ITSN2: variants seen among roughly 807,000 people sequenced by gnomAD.
ITSN2 encodes the protein intersectin 2.
A neutral mutation model predicts 243.7 loss-of-function variants in ITSN2; 156 were observed. The ratio of observed to expected loss-of-function variants is 0.64; its 90% CI spans 0.56 to 0.73. The LOEUF (loss-of-function observed/expected upper bound fraction) is 0.73, where lower values mean the gene tolerates loss of function less well. Among genes scored for constraint, ITSN2 ranks in the 30% least tolerant of loss-of-function variants. ITSN2 has a pLI of 0.00. For synonymous variants in ITSN2, 703 were observed against 699.9 expected, an observed-to-expected ratio of 1.00 and a Z score of -0.07; for missense variants, 1,801 against 1,996.1, an observed-to-expected ratio of 0.90 and a Z score of 1.86.
At chr2:24,217,010 G>A (rs1436197425) in intron 31 of ITSN2, among the ~76,000 whole-genome samples, 6 of 152,142 alleles carry the variant, frequency 3.9e-5, no homozygotes, top group African/African-American at 1.2e-4. Flanking sequence ...CGTGAACCCG[G>A]GAGGCGGAGC....
chr2:24,289,914 C>A (rs1044827666), intron 15 of ITSN2, among the ~76,000 whole-genome samples: 1 of 152,162 alleles, frequency 6.6e-6, no homozygotes, highest in Non-Finnish European at 1.5e-5. Flanking sequence ...GATGAAAAGT[C>A]TTCAGTTTAC....
chr2:24,291,806 A>C (rs1242131428), intron 15 of ITSN2, among the ~76,000 whole-genome samples: 2 of 152,182 alleles, frequency 1.3e-5, no homozygotes, highest in Non-Finnish European at 2.9e-5. Context: ...TGCTTTATTC[A>C]TAACAATGTA....
chr2:24,251,918 T>C (rs1674382060), intron 25 of ITSN2, among the ~76,000 whole-genome samples: 1 of 152,206 alleles, frequency 6.6e-6, no homozygotes. Context: ...AGAGAACTTC[T>C]GCACTATACC....
At chr2:24,334,772 T>G in intron 1 of ITSN2, 4 of 1,510,536 alleles carry the variant, frequency 2.6e-6, no homozygotes, top group Non-Finnish European at 3.6e-6. Flanking sequence ...TATTAAAAGA[T>G]GCAAGCATTG....
At position 24,284,861 on chromosome 2, in the gene ITSN2, TA is replaced by T; in HGVS notation, c.1864-19del. On this transcript the variant is annotated intron_variant, in intron 16 of 39. Transcript: ENST00000355123. ...TTCCCACACTGTAAGATAAGGCAGA[TA>T]AAAAGCCAATTAAACTACGTACAGA... 3.1e-6 allele frequency: 4 copies of T among 1,270,112 alleles called. No homozygotes were observed. Among genetic ancestry groups the T allele is most frequent in the Non-Finnish European group, 4.5e-6 (4 of 894,316 alleles). 78.7% of individuals were successfully genotyped at this position (1,270,112 alleles called of 1,614,324 possible).
rs1673503562 is a variant in ITSN2, at chr2:24,247,273, CTG to C, written c.3289-382_3289-381del. On this transcript the variant is annotated intron_variant, in intron 27 of 39. Transcript: ENST00000355123. ...CAAGGCTTTGCTGACTGGCAATACT[CTG>C]TGTGTATTGTCACACATCATTGCCA... Among the ~76,000 whole-genome samples, 5 of 152,346 alleles carry C rather than the reference CTG, an allele frequency of 3.3e-5. No homozygotes were observed. In the South Asian group the frequency reaches 1.0e-3, roughly 32 times the overall value.
At chr2:24,289,215 T>G (rs1375221985) in intron 15 of ITSN2, among the ~76,000 whole-genome samples, 2 of 152,232 alleles carry the variant, frequency 1.3e-5, no homozygotes, top group Non-Finnish European at 2.9e-5. Flanking sequence ...GTACAGATAA[T>G]TTTTAAAATA....
Position 24,310,698 on chromosome 2 carries a change from G to C in ITSN2, c.353-6C>G. The C allele has an allele frequency of 1.2e-6, 2 of 1,612,144 alleles. No individual in the cohort carries two copies. The highest frequency in any genetic ancestry group is 1.7e-6 in the Non-Finnish European group (2 of 1,178,638). ...ATTGGGCATGCTTCCCATTCCTAAAGTCAAAAGAAAACATTTTTTCCAGTG... is the reference window on the plus strand; with the variant it reads ...ATTGGGCATGCTTCCCATTCCTAAACTCAAAAGAAAACATTTTTTCCAGTG... On this transcript the variant is annotated splice_polypyrimidine_tract_variant and splice_region_variant and intron_variant, in intron 5 of 39. Coordinates refer to ENST00000355123, the MANE Select transcript of ITSN2 (RefSeq NM_006277.3).
chr2:24,301,015 C>T (rs981726186), intron 11 of ITSN2, 139 bp downstream of exon 11: 45 of 496,902 alleles, frequency 9.1e-5, no homozygotes, highest in Non-Finnish European at 1.5e-4. Context: ...TACCAAAATA[C>T]ATCCCATCTA....
intron 36 of ITSN2, among the ~76,000 whole-genome samples, chr2:24,208,637 C>G (rs961943312): frequency 5.3e-5 from 8 of 152,180 alleles, no homozygotes; most frequent in Non-Finnish European, 1.0e-4. Context: ...CAGCACCCCC[C>G]GGGTTGGCGC....
At chr2:24,291,612 C>A (rs1680267278) in intron 15 of ITSN2, among the ~76,000 whole-genome samples, 1 of 151,702 alleles carries the variant, frequency 6.6e-6, no homozygotes, top group African/African-American at 2.4e-5. Context: ...GCCTCAGCCT[C>A]CTGAGTAGCT....
chr2:24,206,471 C>CT (rs1185529885), intron 37 of ITSN2, among the ~76,000 whole-genome samples: 1 of 150,736 alleles, frequency 6.6e-6, no homozygotes, highest in African/African-American at 2.4e-5. Context: ...ACAGGCTGGC[C>CT]TGGCACAGCT....
At chr2:24,251,737 A>G (rs151053364) in intron 25 of ITSN2, among the ~76,000 whole-genome samples, 5 of 151,108 alleles carry the variant, frequency 3.3e-5, no homozygotes, top group Non-Finnish European at 5.9e-5. Context: ...CACGTTATTT[A>G]TGTTACCATG....
chr2:24,203,550 C>T lies in ITSN2; in HGVS notation c.*76G>A, dbSNP rs1668529946. Reference sequence around the variant, plus strand: ...GTGAAGCTGCATGGTGCTCCCTCAGCCCCAAGAGAGCGCAGTCTCTCATTC... The same window carrying T: ...GTGAAGCTGCATGGTGCTCCCTCAGTCCCAAGAGAGCGCAGTCTCTCATTC... On this transcript the variant is annotated 3_prime_UTR_variant, in exon 40 of 40. Coordinates refer to ENST00000355123, the MANE Select transcript of ITSN2 (RefSeq NM_006277.3). The T allele has an allele frequency of 6.9e-7, 1 of 1,449,840 alleles. No homozygotes were observed. The highest frequency in any genetic ancestry group is 9.3e-7 in the Non-Finnish European group (1 of 1,072,056). 89.8% of individuals were successfully genotyped at this position (1,449,840 alleles called of 1,614,324 possible). A position where few individuals can be genotyped will look rare whatever the true frequency, so the allele number is the denominator to read the frequency against.
chr2:24,241,463 C>G (rs758685718), intron 29 of ITSN2: 1 of 152,524 alleles, frequency 6.6e-6, no homozygotes, highest in Non-Finnish European at 1.5e-5. Flanking sequence ...TAGGACAGTG[C>G]TCATTCTTGG....
At chr2:24,318,554 G>A (rs959356075) in intron 2 of ITSN2, among the ~76,000 whole-genome samples, 1 of 152,148 alleles carries the variant, frequency 6.6e-6, no homozygotes, top group African/African-American at 2.4e-5. Flanking sequence ...GTAAGATAGT[G>A]TGGTCACTGA....
intron 15 of ITSN2, among the ~76,000 whole-genome samples, chr2:24,287,864 G>C (rs1451797214): frequency 6.6e-6 from 1 of 151,964 alleles, no homozygotes. Flanking sequence ...TGTCCACTCA[G>C]GTCCTTTGCC....
intron 1 of ITSN2, among the ~76,000 whole-genome samples, chr2:24,349,219 AAT>A (rs766966201): frequency 2.0e-5 from 3 of 152,234 alleles, no homozygotes; most frequent in Non-Finnish European, 4.4e-5. Context: ...GAAAAAATAA[AAT>A]AGAGATATTG....
intron 17 of ITSN2, 152 bp from the exon 18 acceptor site, chr2:24,276,001 A>T: frequency 1.9e-6 from 1 of 521,232 alleles, no homozygotes; most frequent in South Asian, 4.0e-5. Flanking sequence ...TCTAGATGAT[A>T]AAAAAAACCT....
Sources: gnomAD v4.1 joint callset for allele counts (sites outside exome capture counted in the v4.1 genomes callset) on GRCh38, gnomAD v4.1.1 for gene constraint, MANE v1.5 for transcripts, NCBI Gene and HGNC (gene_info 2026-07-23, HGNC 2026-07-21) for gene names.